SRBD1: variants seen among roughly 807,000 people sequenced by gnomAD.
SRBD1 encodes S1 RNA binding domain 1.
Under a neutral mutation model 115.3 loss-of-function variants are expected in SRBD1, and 88 were observed. The observed-to-expected ratio is 0.76, with a 90% CI of 0.64 to 0.91. The LOEUF is 0.91. Ranked by LOEUF, SRBD1 falls within the 40% of genes least tolerant of loss-of-function variation. The pLI, the probability that SRBD1 is intolerant of heterozygous loss-of-function variation, is 0.00. For synonymous variants in SRBD1, 509 were observed against 407.7 expected (o/e 1.25, Z -2.99); for missense variants, 1,385 against 1,177.4 (o/e 1.18, Z -2.58).
chr2:45,506,424 A>G (rs567587406), intron 14 of SRBD1, among the ~76,000 whole-genome samples: 117 of 152,274 alleles, frequency 7.7e-4, no homozygotes, highest in African/African-American at 2.8e-3. Flanking sequence ...GTGCCAACAG[A>G]AAGGCCTTTG....
intron 14 of SRBD1, among the ~76,000 whole-genome samples, chr2:45,532,483 G>C (rs1316444254): frequency 6.6e-6 from 1 of 151,752 alleles, no homozygotes; most frequent in Admixed American, 6.6e-5. Context: ...TGCTGCATGA[G>C]TAGAGAATAA....
intron 1 of SRBD1, among the ~76,000 whole-genome samples, chr2:45,609,673 C>T (rs1674384274): frequency 6.6e-6 from 1 of 152,156 alleles, no homozygotes; most frequent in Non-Finnish European, 1.5e-5. Flanking sequence ...GTACTCTCTG[C>T]CTGGAGTATT....
intron 14 of SRBD1, among the ~76,000 whole-genome samples, chr2:45,507,317 C>G (rs183475550): frequency 2.0e-5 from 3 of 152,184 alleles, no homozygotes; most frequent in Non-Finnish European, 2.9e-5. Flanking sequence ...AACCAAGGCA[C>G]TTAAATGTCA....
chr2:45,468,182 T>C (rs529336562), intron 16 of SRBD1, among the ~76,000 whole-genome samples: 1 of 152,132 alleles, frequency 6.6e-6, no homozygotes, highest in African/African-American at 2.4e-5. Context: ...ATCAGCCCTA[T>C]AATACTGTAC....
At chr2:45,456,992 C>G (rs1323080489) in intron 16 of SRBD1, among the ~76,000 whole-genome samples, 1 of 151,756 alleles carries the variant, frequency 6.6e-6, no homozygotes, top group Non-Finnish European at 1.5e-5. Flanking sequence ...TGAAGCCGAT[C>G]CAAAAATAAA....
At chr2:45,529,757 T>C (rs1671556164) in intron 14 of SRBD1, among the ~76,000 whole-genome samples, 1 of 151,930 alleles carries the variant, frequency 6.6e-6, no homozygotes, top group African/African-American at 2.4e-5. Flanking sequence ...TCAGTGAATT[T>C]TAACTCAAAT....
intron 14 of SRBD1, among the ~76,000 whole-genome samples, chr2:45,503,121 T>C (rs986727466): frequency 1.3e-5 from 2 of 152,210 alleles, no homozygotes; most frequent in African/African-American, 2.4e-5. Context: ...AGCTGCACAA[T>C]ACATAAATGT....
intron 15 of SRBD1, among the ~76,000 whole-genome samples, chr2:45,486,291 C>G (rs1410726495): frequency 6.6e-6 from 1 of 152,150 alleles, no homozygotes; most frequent in Non-Finnish European, 1.5e-5. Flanking sequence ...TTGGGAGATA[C>G]CTTCTCAATA....
Position 45,599,584 on chromosome 2 carries a change from G to A in SRBD1, c.513C>T (p.Asp171=), listed in dbSNP as rs149644189. ...CGGACTGACCAAATGTAAAGTCATC[G>A]TCATTCTCTTCCTTCTTGCATGTAC... ...WGGTCKKEEN[D]DDFTFGQSAL... is the part of the protein sequence containing the mutation. Residue 171 remains aspartate (D), a synonymous_variant, in exon 4 of 21, where the codon GAC becomes GAT. Coordinates refer to ENST00000263736, the MANE Select transcript of SRBD1 (RefSeq NM_018079.5). 197 of 1,613,952 alleles carry A rather than the reference G, an allele frequency of 1.2e-4. No individual in the cohort carries two copies. The highest frequency in any genetic ancestry group is 1.5e-4 in the Non-Finnish European group (181 of 1,180,030).
At chr2:45,485,934 G>A (rs547294569) in intron 15 of SRBD1, among the ~76,000 whole-genome samples, 45 of 152,286 alleles carry the variant, frequency 3.0e-4, no homozygotes, top group African/African-American at 9.9e-4. Context: ...AGATTTTAAA[G>A]ACTCAAAGTT....
intron 9 of SRBD1, among the ~76,000 whole-genome samples, chr2:45,566,527 G>A (rs1304939369): frequency 2.0e-5 from 3 of 152,118 alleles, no homozygotes; most frequent in Non-Finnish European, 4.4e-5. Flanking sequence ...ATAGAAAGTT[G>A]GCTGCCTAGA....
At chr2:45,486,783 A>G (rs895219018) in intron 15 of SRBD1, among the ~76,000 whole-genome samples, 1 of 151,824 alleles carries the variant, frequency 6.6e-6, no homozygotes, top group African/African-American at 2.4e-5. Context: ...AATTTTAAAA[A>G]GTGGGGATAA....
At chr2:45,518,334 G>A (rs983385444) in intron 14 of SRBD1, among the ~76,000 whole-genome samples, 1 of 152,216 alleles carries the variant, frequency 6.6e-6, no homozygotes, top group African/African-American at 2.4e-5. Context: ...GAATATTTAA[G>A]TAATTATCCA....
chr2:45,577,666 A>G (rs1223887674), intron 7 of SRBD1, among the ~76,000 whole-genome samples: 1 of 152,154 alleles, frequency 6.6e-6, no homozygotes, highest in Non-Finnish European at 1.5e-5. Context: ...TGGGGAAAAA[A>G]AAAACTGAAC....
intron 20 of SRBD1, among the ~76,000 whole-genome samples, chr2:45,390,947 T>C (rs947458695): frequency 2.6e-5 from 4 of 152,166 alleles, no homozygotes; most frequent in African/African-American, 9.7e-5. Context: ...CCTACTGTAA[T>C]GTAATATTAC....
At chr2:45,424,046 A>G (rs1668082238) in intron 16 of SRBD1, among the ~76,000 whole-genome samples, 1 of 152,198 alleles carries the variant, frequency 6.6e-6, no homozygotes, top group African/African-American at 2.4e-5. Flanking sequence ...CCAAATAACA[A>G]AAACATTGAC....
At chr2:45,560,559 T>C (rs1245859201) in intron 10 of SRBD1, among the ~76,000 whole-genome samples, 4 of 152,190 alleles carry the variant, frequency 2.6e-5, no homozygotes, top group African/African-American at 7.2e-5. Flanking sequence ...ATTTTAAGGA[T>C]AGACAAAACT....
chr2:45,563,345 T>A (rs891025457), intron 9 of SRBD1, among the ~76,000 whole-genome samples: 1 of 152,022 alleles, frequency 6.6e-6, no homozygotes, highest in Non-Finnish European at 1.5e-5. Context: ...AAACTTCAGA[T>A]CAATCTGTCC....
chr2:45,566,149 G>A (rs1179066439), intron 9 of SRBD1, among the ~76,000 whole-genome samples: 1 of 152,086 alleles, frequency 6.6e-6, no homozygotes, highest in African/African-American at 2.4e-5. Context: ...GGAAAATATG[G>A]CAGTTCCTCA....
Sources: allele counts gnomAD v4.1 joint callset (sites outside exome capture counted in the v4.1 genomes callset), GRCh38; gene constraint gnomAD v4.1.1; transcripts MANE v1.5; gene names NCBI Gene and HGNC (gene_info 2026-07-23, HGNC 2026-07-21).